Variants in CLSTN2 observed in about 807,000 individuals in gnomAD.
CLSTN2 encodes calsyntenin 2.
A neutral mutation model predicts 101.2 loss-of-function variants in CLSTN2; 48 were observed. The observed-to-expected ratio is 0.47, with a 90% confidence interval of 0.38 to 0.60. The LOEUF (loss-of-function observed/expected upper bound fraction) is 0.60. Among genes scored for constraint, CLSTN2 ranks in the 20% least tolerant of loss-of-function variants. CLSTN2 has a pLI of 0.00. For missense variants in CLSTN2, 1,160 were observed against 1,238.2 expected (o/e 0.94, Z 0.95); for synonymous variants, 481 against 463.6 (o/e 1.04, Z -0.48).
chr3:139,937,794 A>C (rs1049450056), intron 1 of CLSTN2, among the ~76,000 whole-genome samples: 3 of 152,088 alleles, frequency 2.0e-5, no homozygotes, highest in Non-Finnish European at 4.4e-5. Context: ...TTCCAGGGTA[A>C]AAAGTTTATT....
chr3:140,367,876 A>G (rs1204807437), intron 2 of CLSTN2, among the ~76,000 whole-genome samples: 2 of 152,184 alleles, frequency 1.3e-5, no homozygotes, highest in Admixed American at 1.3e-4. Context: ...TTCAGTTCTC[A>G]GCTTGAGGCC....
chr3:140,529,570 C>T (rs1935213069), intron 8 of CLSTN2, among the ~76,000 whole-genome samples: 1 of 152,178 alleles, frequency 6.6e-6, no homozygotes, highest in South Asian at 2.1e-4. Flanking sequence ...TACAGTTTGT[C>T]CCTGCAGTTC....
intron 9 of CLSTN2, among the ~76,000 whole-genome samples, chr3:140,541,474 C>A (rs1181395570): frequency 6.6e-6 from 1 of 152,176 alleles, no homozygotes; most frequent in Non-Finnish European, 1.5e-5. Context: ...AGGAACTTTT[C>A]CATGCATTGT....
intron 8 of CLSTN2, among the ~76,000 whole-genome samples, chr3:140,528,577 G>A (rs559473085): frequency 6.6e-6 from 1 of 150,716 alleles, no homozygotes; most frequent in Admixed American, 6.6e-5. Flanking sequence ...ATGTCTGTAG[G>A]AGTTAACGAA....
At chr3:140,462,938 C>T (rs1933597337) in intron 7 of CLSTN2, 1 of 152,228 alleles carries the variant, frequency 6.6e-6, no homozygotes, top group Admixed American at 6.5e-5. Context: ...TTTGCCACAA[C>T]TTGGTCACAT....
intron 1 of CLSTN2, among the ~76,000 whole-genome samples, chr3:140,019,238 T>C (rs981072126): frequency 1.2e-4 from 19 of 152,248 alleles, no homozygotes; most frequent in African/African-American, 4.3e-4. Context: ...TTTGAATGTT[T>C]TTGTGAGGTG....
chr3:140,385,088 A>C (rs187662701), intron 2 of CLSTN2, among the ~76,000 whole-genome samples: 1 of 152,102 alleles, frequency 6.6e-6, no homozygotes, highest in Non-Finnish European at 1.5e-5. Flanking sequence ...ATTGTTTGAA[A>C]ACCCTGAGCA....
intron 6 of CLSTN2, 93 bp downstream of exon 6, chr3:140,448,797 C>A: frequency 1.8e-6 from 2 of 1,116,258 alleles, no homozygotes; most frequent in Non-Finnish European, 2.6e-6. Flanking sequence ...CAAGAATCAA[C>A]CCTCCCTTCC....
intron 16 of CLSTN2, 81 bp from the exon 17 acceptor site, chr3:140,565,972 T>G: frequency 6.4e-7 from 1 of 1,566,716 alleles, no homozygotes; most frequent in African/African-American, 1.4e-5. Flanking sequence ...AATGTTTCCT[T>G]AATGGATGGA....
chr3:140,134,355 T>C (rs888234965), intron 1 of CLSTN2, among the ~76,000 whole-genome samples: 1 of 152,186 alleles, frequency 6.6e-6, no homozygotes, highest in Non-Finnish European at 1.5e-5. Flanking sequence ...TATCCCTTGC[T>C]TGTCTGATTC....
Position 140,445,020 on chromosome 3 carries a change from T to C in CLSTN2, c.788-3499T>C, listed in dbSNP as rs527398069. Among the ~76,000 whole-genome samples, 4 of 152,330 alleles carry C rather than the reference T, an allele frequency of 2.6e-5. No individual in the cohort carries two copies. The East Asian group carries it at 7.7e-4, about 29-fold the overall frequency. On this transcript the variant is annotated intron_variant, in intron 5 of 16. Transcript: ENST00000458420. Reference sequence around the variant, plus strand: ...TCTCACTCTCTCAAGTACACTGTGCTCAGAAAGCTTCATCAATTTCTTTTA... The same window carrying C: ...TCTCACTCTCTCAAGTACACTGTGCCCAGAAAGCTTCATCAATTTCTTTTA...
At chr3:140,281,459 C>T in intron 2 of CLSTN2, among the ~76,000 whole-genome samples, 1 of 152,156 alleles carries the variant, frequency 6.6e-6, no homozygotes, top group East Asian at 1.9e-4. Flanking sequence ...TGGCTTCTCA[C>T]TTATGGTGGA....
chr3:140,059,372 G>GA (rs148224721), intron 1 of CLSTN2, among the ~76,000 whole-genome samples: 3,135 of 152,318 alleles, frequency 0.021, 105 homozygotes, highest in African/African-American at 0.071. Flanking sequence ...AACACAAGAG[G>GA]GACTCCATAA....
chr3:140,163,744 T>C (rs1032116404), intron 1 of CLSTN2, among the ~76,000 whole-genome samples: 12 of 151,266 alleles, frequency 7.9e-5, no homozygotes, highest in Middle Eastern at 6.3e-3. Context: ...TCTCTGAACC[T>C]GTTCCCTCAT....
chr3:140,371,138 A>C (rs1277728430), intron 2 of CLSTN2, among the ~76,000 whole-genome samples: 3 of 152,202 alleles, frequency 2.0e-5, no homozygotes, highest in African/African-American at 7.2e-5. Flanking sequence ...CCTGGTACTG[A>C]AGCTGCTAAC....
chr3:140,250,200 G>T (rs2086550537), intron 2 of CLSTN2, among the ~76,000 whole-genome samples: 1 of 152,176 alleles, frequency 6.6e-6, no homozygotes, highest in South Asian at 2.1e-4. Context: ...GTGTCCTGAG[G>T]GATTATGGGT....
In CLSTN2 at chr3:140,569,159, G is replaced by A. The variant is rs1315151853; in HGVS notation, c.*2906G>A. On this transcript the variant is annotated 3_prime_UTR_variant, in exon 17 of 17. Transcript: ENST00000458420. ...GGTATCCAGGTGAGCAGGGTAATGTGGCTTGCCCTCCCCCAGATATTCTGA... is the reference window on the plus strand; with the variant it reads ...GGTATCCAGGTGAGCAGGGTAATGTAGCTTGCCCTCCCCCAGATATTCTGA... 1.3e-5 allele frequency: 2 copies of A among 152,214 alleles called. No individual in the cohort carries two copies. The highest frequency in any genetic ancestry group is 2.9e-5 in the Non-Finnish European group (2 of 68,092). The allele number at this position is 152,214 out of a possible 1,614,324, so 9.4% of individuals were successfully genotyped here. A position where few individuals can be genotyped will look rare whatever the true frequency, so the allele number is the denominator to read the frequency against.
chr3:140,092,964 T>A (rs2008806273), intron 1 of CLSTN2, among the ~76,000 whole-genome samples: 1 of 152,132 alleles, frequency 6.6e-6, no homozygotes, highest in Non-Finnish European at 1.5e-5. Context: ...AGGGTGCTGA[T>A]CAGCTTTTTT....
chr3:140,294,564 CT>C (rs768868571), intron 2 of CLSTN2, among the ~76,000 whole-genome samples: 3,875 of 140,482 alleles, frequency 0.028, 109 homozygotes, highest in African/African-American at 0.078. Context: ...TCCCCAATGT[CT>C]TTTTTTTTTT....
Sources: gnomAD v4.1 joint callset for allele counts (sites outside exome capture counted in the v4.1 genomes callset) on GRCh38, gnomAD v4.1.1 for gene constraint, MANE v1.5 for transcripts, NCBI Gene and HGNC (gene_info 2026-07-23, HGNC 2026-07-21) for gene names.